The following USP10 variants were observed in gnomAD, a reference collection of about 807,000 sequenced individuals.
USP10 encodes the protein ubiquitin carboxyl-terminal hydrolase 10.
A neutral mutation model predicts 84.5 loss-of-function variants in USP10; 22 were observed. That is an observed-to-expected ratio of 0.26 (90% CI 0.19 to 0.37). The LOEUF is 0.37. Ranked by LOEUF, USP10 falls within the 10% of genes least tolerant of loss-of-function variation. The pLI is 1.00. For synonymous variants in USP10, 454 were observed against 387.6 expected, an observed-to-expected ratio of 1.17 and a Z score of -2.01; for missense variants, 1,019 against 998.9, an observed-to-expected ratio of 1.02 and a Z score of -0.27.
chr16:84,773,922 A>G (rs1427473893), intron 12 of USP10, among the ~76,000 whole-genome samples: 1 of 152,142 alleles, frequency 6.6e-6, no homozygotes, highest in Non-Finnish European at 1.5e-5. Flanking sequence ...GTATTTTTAT[A>G]TCCGCTGCCA....
intron 2 of USP10, among the ~76,000 whole-genome samples, chr16:84,738,836 C>T (rs1013958236): frequency 1.6e-4 from 24 of 152,162 alleles, no homozygotes; most frequent in Admixed American, 5.2e-4. Context: ...CATTGGAGAA[C>T]TCAGCTGAGG....
intron 11 of USP10, among the ~76,000 whole-genome samples, chr16:84,769,153 G>A (rs913293020): frequency 2.0e-5 from 3 of 152,184 alleles, no homozygotes; most frequent in Non-Finnish European, 4.4e-5. Context: ...CCTGCAAAGC[G>A]ATATTTGAAT....
intron 1 of USP10, among the ~76,000 whole-genome samples, chr16:84,714,134 G>C (rs1441679850): frequency 6.6e-6 from 1 of 152,162 alleles, no homozygotes; most frequent in Non-Finnish European, 1.5e-5. Context: ...GGCGGAGGTA[G>C]ATTGTTGCAG....
intron 10 of USP10, among the ~76,000 whole-genome samples, chr16:84,765,691 C>T (rs529990167): frequency 6.6e-6 from 1 of 152,214 alleles, no homozygotes; most frequent in South Asian, 2.1e-4. Flanking sequence ...ACAGTTGTTT[C>T]CCTGTCTTGG....
chr16:84,733,129 TTG>T, intron 1 of USP10: 2 of 489,944 alleles, frequency 4.1e-6, no homozygotes, highest in Non-Finnish European at 8.0e-6. Context: ...CTGGCAGTAT[TTG>T]TGAACCAATA....
intron 1 of USP10, among the ~76,000 whole-genome samples, chr16:84,722,262 G>A (rs1907914012): frequency 6.6e-6 from 1 of 152,206 alleles, no homozygotes; most frequent in South Asian, 2.1e-4. Flanking sequence ...GCCATGTTGA[G>A]TGTTGAGTTC....
intron 1 of USP10, among the ~76,000 whole-genome samples, chr16:84,704,020 C>G (rs567025146): frequency 6.6e-6 from 1 of 152,222 alleles, no homozygotes; most frequent in Non-Finnish European, 1.5e-5. Flanking sequence ...AAAAGGATTA[C>G]GAAGCTTAAT....
In USP10 at chr16:84,745,092, T is replaced by A; in HGVS notation, c.611T>A (p.Val204Asp). ...AEFMGDMPPS[V>D]TPRTCNSPQN... ...TTTATGGGTGACATGCCCCCGTCAG[T>A]TACGCCCAGGACTTGTAACAGCCCC... The change falls in exon 4 of 14, where the codon GTT (valine) becomes GAT (aspartate). Residue 204 changes from valine (V) to aspartate (D), a missense_variant. Transcript: ENST00000219473. 6.2e-7 allele frequency: 1 copy of A among 1,613,584 alleles called. No individual in the cohort carries two copies. Among genetic ancestry groups the A allele is most frequent in the Non-Finnish European group, 8.5e-7 (1 of 1,179,620 alleles).
chr16:84,747,755 T>C (rs1360818710), intron 4 of USP10, among the ~76,000 whole-genome samples: 2 of 151,758 alleles, frequency 1.3e-5, no homozygotes, highest in African/African-American at 4.8e-5. Flanking sequence ...TTAGTAGAAA[T>C]GGGGTTTCAC....
chr16:84,774,691 C>G (rs571450898), intron 12 of USP10, among the ~76,000 whole-genome samples: 1 of 152,090 alleles, frequency 6.6e-6, no homozygotes, highest in Non-Finnish European at 1.5e-5. Context: ...AGGATGGTCT[C>G]GATCTCCTGA....
At chr16:84,767,554 C>T (rs1913997111) in intron 10 of USP10, among the ~76,000 whole-genome samples, 1 of 152,132 alleles carries the variant, frequency 6.6e-6, no homozygotes, top group Non-Finnish European at 1.5e-5. Flanking sequence ...TTAGAACAGG[C>T]TATGATACTT....
intron 8 of USP10, 45 bp downstream of exon 8, chr16:84,760,320 G>A (rs376290801): frequency 9.9e-6 from 15 of 1,514,448 alleles, no homozygotes; most frequent in African/African-American, 1.4e-5. Flanking sequence ...GTTGCCTTTT[G>A]TTCCAGTGTT....
At chr16:84,732,719 A>G in intron 1 of USP10, 1 of 300,912 alleles carries the variant, frequency 3.3e-6, no homozygotes, top group Non-Finnish European at 6.5e-6. Flanking sequence ...GAGTGCTGGG[A>G]TTATAGGCGT....
chr16:84,770,113 A>C (rs745684800), intron 11 of USP10, among the ~76,000 whole-genome samples: 3 of 152,172 alleles, frequency 2.0e-5, no homozygotes, highest in Non-Finnish European at 4.4e-5. Flanking sequence ...TCTCTAAAAC[A>C]TAAGAAGAAA....
At chr16:84,701,315 G>T (rs977512348) in intron 1 of USP10, among the ~76,000 whole-genome samples, 2 of 152,222 alleles carry the variant, frequency 1.3e-5, no homozygotes, top group Non-Finnish European at 2.9e-5. Context: ...GTTTGCATCA[G>T]AATTTCCCCC....
chr16:84,709,563 C>T (rs945679480), intron 1 of USP10, among the ~76,000 whole-genome samples: 8 of 151,948 alleles, frequency 5.3e-5, no homozygotes, highest in Admixed American at 3.9e-4. Flanking sequence ...AATAGACTCA[C>T]GGGGTCGCAG....
intron 2 of USP10, among the ~76,000 whole-genome samples, chr16:84,739,263 T>TTTTG (rs1555542237): frequency 6.6e-6 from 1 of 150,836 alleles, no homozygotes; most frequent in Non-Finnish European, 1.5e-5. Flanking sequence ...GTTTGTTTTT[T>TTTTG]TTTTGTTTTG....
intron 1 of USP10, among the ~76,000 whole-genome samples, chr16:84,719,007 G>T (rs985203885): frequency 1.3e-5 from 2 of 151,864 alleles, no homozygotes; most frequent in Non-Finnish European, 2.9e-5. Context: ...GGTCAAGCTG[G>T]TCTCGAACTC....
chr16:84,700,230 T>G, intron 1 of USP10, 119 bp downstream of exon 1: 2 of 810,378 alleles, frequency 2.5e-6, no homozygotes, highest in Non-Finnish European at 1.6e-6. Context: ...GGGAGGGCGC[T>G]GGGACACGCT....
Sources: gnomAD v4.1 joint callset for allele counts (sites outside exome capture counted in the v4.1 genomes callset) on GRCh38, gnomAD v4.1.1 for gene constraint, MANE v1.5 for transcripts, NCBI Gene and HGNC (gene_info 2026-07-23, HGNC 2026-07-21) for gene names.